PAPPA2: variants seen among roughly 807,000 people sequenced by gnomAD.
PAPPA2 encodes the protein pappalysin 2.
PAPPA2 carries 86 observed loss-of-function variants against 176.4 expected under a neutral mutation model. The ratio of observed to expected loss-of-function variants is 0.49; its 90% confidence interval spans 0.41 to 0.58. The LOEUF (loss-of-function observed/expected upper bound fraction) is 0.58, where lower values mean the gene tolerates loss of function less well. Ranked by LOEUF, PAPPA2 falls within the 20% of genes least tolerant of loss-of-function variation. The pLI, the probability that PAPPA2 is intolerant of heterozygous loss-of-function variation, is 0.00. For synonymous variants in PAPPA2, 809 were observed against 852.2 expected (o/e 0.95, Z 0.88); for missense variants, 2,073 against 2,256.9 (o/e 0.92, Z 1.65).
chr1:176,771,177 G>A lies in PAPPA2; in HGVS notation c.4712G>A (p.Arg1571Lys). 1 of 1,613,984 alleles carries A rather than the reference G, an allele frequency of 6.2e-7. No individual in the cohort carries two copies. Among genetic ancestry groups the A allele is most frequent in the Non-Finnish European group, 8.5e-7 (1 of 1,179,850 alleles). The change falls in exon 17 of 23, where the codon AGG becomes AAG. Residue 1571 changes from arginine (R) to lysine (K), a missense_variant. Arg to Lys is a conservative substitution (Grantham distance 26, BLOSUM62 2). This residue lies in a region of PAPPA2 where 846 missense variants were observed against 857.9 expected (regional missense o/e 0.99). Transcript: ENST00000367662. ...GCAGAAAGTGCAGAGGGTAAAGTCA[G>A]GAAGTAAGTTGAATGTTCCTGGTCT... ...YVAESAEGKV[R>K]NKLLKIQCLE...
intron 1 of PAPPA2, among the ~76,000 whole-genome samples, chr1:176,550,092 C>T (rs1450228546): frequency 6.6e-6 from 1 of 152,222 alleles, no homozygotes; most frequent in African/African-American, 2.4e-5. Flanking sequence ...GAAATGGAAT[C>T]GCACAGTTTG....
chr1:176,838,167 C>T (rs1232617916), intron 21 of PAPPA2, among the ~76,000 whole-genome samples: 2 of 152,148 alleles, frequency 1.3e-5, no homozygotes, highest in East Asian at 3.9e-4. Context: ...CATTATTGCT[C>T]TTTTCAACAT....
At chr1:176,790,029 T>A (rs780388604) in intron 18 of PAPPA2, 52 bp downstream of exon 18, 2 of 1,562,320 alleles carry the variant, frequency 1.3e-6, no homozygotes, top group South Asian at 2.3e-5. Flanking sequence ...CTAATCTTGA[T>A]GCCCAATCCA....
chr1:176,684,001 G>A (rs1659713387), intron 4 of PAPPA2, among the ~76,000 whole-genome samples: 1 of 152,104 alleles, frequency 6.6e-6, no homozygotes, highest in Non-Finnish European at 1.5e-5. Context: ...ATGTGGTAGT[G>A]GTCGTGTTGG....
intron 1 of PAPPA2, among the ~76,000 whole-genome samples, chr1:176,504,475 A>T (rs898077835): frequency 1.3e-5 from 2 of 152,114 alleles, no homozygotes; most frequent in Non-Finnish European, 2.9e-5. Context: ...TTTTCATGGT[A>T]TCCACATATC....
At chr1:176,552,557 C>T (rs1376853309) in intron 1 of PAPPA2, among the ~76,000 whole-genome samples, 1 of 151,980 alleles carries the variant, frequency 6.6e-6, no homozygotes, top group Non-Finnish European at 1.5e-5. Flanking sequence ...CAATTTCTTG[C>T]CTTATAGATT....
intron 5 of PAPPA2, among the ~76,000 whole-genome samples, chr1:176,691,628 G>C (rs1005682922): frequency 6.6e-6 from 1 of 152,238 alleles, no homozygotes; most frequent in African/African-American, 2.4e-5. Context: ...ACCTGCTAAA[G>C]AGACCTTGCC....
chr1:176,740,268 G>A, intron 14 of PAPPA2, 72 bp downstream of exon 14: 1 of 1,407,312 alleles, frequency 7.1e-7, no homozygotes. Flanking sequence ...TTTACATAGT[G>A]TTATGTATAG....
At chr1:176,464,418 A>G (rs1026861626) in intron 1 of PAPPA2, among the ~76,000 whole-genome samples, 1 of 152,022 alleles carries the variant, frequency 6.6e-6, no homozygotes, top group African/African-American at 2.4e-5. Context: ...TGGGTGTGGG[A>G]TCTCTGTAGT....
At chr1:176,554,692 A>G (rs1651162642) in intron 1 of PAPPA2, among the ~76,000 whole-genome samples, 1 of 152,214 alleles carries the variant, frequency 6.6e-6, no homozygotes, top group African/African-American at 2.4e-5. Context: ...GACTTTTAGT[A>G]ACTTCAGATT....
In PAPPA2 at chr1:176,711,815, T is replaced by G. The variant is rs771630763; in HGVS notation, c.3652-20T>G. 6.3e-7 allele frequency: 1 copy of G among 1,586,884 alleles called. No individual in the cohort carries two copies. Among genetic ancestry groups the G allele is most frequent in the East Asian group, 2.3e-5 (1 of 44,180 alleles). On this transcript the variant is annotated intron_variant, in intron 11 of 22. Coordinates refer to ENST00000367662, the MANE Select transcript of PAPPA2 (RefSeq NM_020318.3). ...CTTCACACTCCACACTTCAAATTGTTGGTTGAAATTGTATTTCAGATTTGC... is the reference window on the plus strand; with the variant it reads ...CTTCACACTCCACACTTCAAATTGTGGGTTGAAATTGTATTTCAGATTTGC...
intron 7 of PAPPA2, among the ~76,000 whole-genome samples, chr1:176,698,363 G>A (rs762869132): frequency 2.0e-5 from 3 of 152,266 alleles, no homozygotes; most frequent in Non-Finnish European, 2.9e-5. Context: ...GCTAGTTCTC[G>A]ATTCAACACT....
Position 176,699,230 on chromosome 1 carries a change from C to T in PAPPA2, c.2877C>T (p.His959=). The T allele has an allele frequency of 6.2e-7, 1 of 1,614,174 alleles. No individual in the cohort carries two copies. The highest frequency in any genetic ancestry group is 8.5e-7 in the Non-Finnish European group (1 of 1,180,022). ...EGCSLELLFQ[H]PVQADTLTLW... is the part of the protein sequence containing the mutation. ...GTAGCTTGGAGCTGCTCTTCCAACA[C>T]CCGGTCCAAGCCGACACCCTCACCC... is the stretch of plus-strand genomic sequence containing the variant. The change falls in exon 8 of 23, where the codon CAC becomes CAT. Residue 959 remains histidine, a synonymous_variant. Transcript: ENST00000367662.
At chr1:176,482,668 T>C (rs539143827) in intron 1 of PAPPA2, among the ~76,000 whole-genome samples, 3 of 152,348 alleles carry the variant, frequency 2.0e-5, no homozygotes, top group Admixed American at 6.5e-5. Context: ...AGGCAGACTC[T>C]ACCTTTTTGG....
At chr1:176,520,124 A>G (rs547467592) in intron 1 of PAPPA2, among the ~76,000 whole-genome samples, 1 of 152,204 alleles carries the variant, frequency 6.6e-6, no homozygotes, top group South Asian at 2.1e-4. Context: ...GTTTTGTCTT[A>G]CTCTAGACAA....
Position 176,710,120 on chromosome 1 carries a change from C to A in PAPPA2, c.3595C>A (p.His1199Asn). The change falls in exon 11 of 23, where the codon CAT (histidine) becomes AAT (asparagine). Residue 1199 changes from histidine to asparagine, a missense_variant. His to Asn is a moderately conservative substitution (Grantham distance 68, BLOSUM62 1). This residue lies in a region of PAPPA2 where 846 missense variants were observed against 857.9 expected (regional missense o/e 0.99). Transcript: ENST00000367662. ...DQWATRAYSSHEDKKKCPVSL... is the reference protein window; with the variant it reads ...DQWATRAYSSNEDKKKCPVSL... ...ATGGGCTACCCGGGCTTACTCCTCT[C>A]ATGAAGACAAGAAGAAGTGTCCTGT... is the stretch of plus-strand genomic sequence containing the variant. The A allele has an allele frequency of 6.2e-7, 1 of 1,613,858 alleles. No individual in the cohort carries two copies. Among genetic ancestry groups the A allele is most frequent in the Non-Finnish European group, 8.5e-7 (1 of 1,179,806 alleles).
intron 15 of PAPPA2, among the ~76,000 whole-genome samples, chr1:176,768,011 G>T (rs894878080): frequency 3.3e-5 from 5 of 152,292 alleles, no homozygotes; most frequent in African/African-American, 1.2e-4. Flanking sequence ...TGGTGTCAGG[G>T]GTGACAGGTG....
At position 176,752,365 on chromosome 1, in the gene PAPPA2, A is replaced by G. The variant is rs1314522319; in HGVS notation, c.4151+12169A>G. Among the ~76,000 whole-genome samples, 8 of 141,062 alleles carry G rather than the reference A, an allele frequency of 5.7e-5. No homozygotes were observed. In the South Asian group the frequency reaches 1.8e-3, roughly 33 times the overall value. The allele number at this position is 141,062 out of a possible 152,430, so 92.5% of individuals were successfully genotyped here. ...AATAAAAAAAAAAAAAAAAAAAAAA[A>G]CATTTACCATTAGGCTGTTATTATG... On this transcript the variant is annotated intron_variant, in intron 14 of 22. Transcript: ENST00000367662.
chr1:176,761,392 G>T (rs541883458), intron 14 of PAPPA2, among the ~76,000 whole-genome samples: 42 of 152,096 alleles, frequency 2.8e-4, no homozygotes, highest in Non-Finnish European at 1.0e-4. Context: ...CTGAGAACAC[G>T]TTGTAATGGG....
Sources: gnomAD v4.1 joint callset for allele counts (sites outside exome capture counted in the v4.1 genomes callset) on GRCh38, gnomAD v4.1.1 for gene constraint, gnomAD v4.1.1 regional missense constraint, MANE v1.5 for transcripts, NCBI Gene and HGNC (gene_info 2026-07-23, HGNC 2026-07-21) for gene names.